The following DENND3 variants were observed in gnomAD, a reference collection of about 807,000 sequenced individuals.
DENND3 encodes DENN domain-containing protein 3.
In DENND3, 88 loss-of-function variants were observed where a neutral mutation model predicts 135.1. That is an observed-to-expected ratio of 0.65 (90% confidence interval 0.55 to 0.78). DENND3 has a LOEUF of 0.78. Ranked by LOEUF, DENND3 falls within the 30% of genes least tolerant of loss-of-function variation. The probability of loss-of-function intolerance (pLI) is 0.00; values close to 1 mark genes in which losing one functional copy is unlikely to be tolerated. For missense variants in DENND3, 1,392 were observed against 1,688.4 expected (o/e 0.82, Z 3.08); for synonymous variants, 693 against 712.3 (o/e 0.97, Z 0.43).
chr8:141,157,538 T>A (rs1170636798), intron 8 of DENND3: 2 of 985,758 alleles, frequency 2.0e-6, no homozygotes, highest in Non-Finnish European at 2.4e-6. Flanking sequence ...ACAGCCGGGC[T>A]GTACTTGCTT....
At chr8:141,159,599 C>T (rs1379573923) in intron 8 of DENND3, among the ~76,000 whole-genome samples, 2 of 152,242 alleles carry the variant, frequency 1.3e-5, no homozygotes, top group Admixed American at 6.5e-5. Context: ...GGAAGTGCCA[C>T]GCAGGCAGGG....
chr8:141,132,732 A>G (rs1816276883), intron 1 of DENND3, among the ~76,000 whole-genome samples: 1 of 152,192 alleles, frequency 6.6e-6, no homozygotes, highest in African/African-American at 2.4e-5. Flanking sequence ...TCATTCTGAG[A>G]AAAAACAGGT....
rs1487441196 is a variant in DENND3 at position 141,176,694 on chromosome 8, A to G, written c.2639A>G (p.Glu880Gly). 1 of 1,614,054 alleles carries G rather than the reference A, an allele frequency of 6.2e-7. No individual in the cohort carries two copies. Among genetic ancestry groups the G allele is most frequent in the Non-Finnish European group, 8.5e-7 (1 of 1,180,024 alleles). Residue 880 changes from glutamate (E) to glycine (G), a missense_variant, in exon 15 of 23, where the codon GAG becomes GGG. Physicochemically the swap from Glu to Gly is moderately conservative, Grantham distance 98. Transcript: ENST00000519811. ...GTCTTCGAAGCCAACCTGAAAACCG[A>G]GTGTGACCTTTGGCACCTGATGGTG... ...KEVFEANLKT[E>G]CDLWHLMVKE... is the part of the protein sequence containing the mutation.
At chr8:141,165,115 G>A (rs1449291423) in intron 10 of DENND3, 71 bp from the exon 11 acceptor site, 2 of 1,183,276 alleles carry the variant, frequency 1.7e-6, no homozygotes, top group South Asian at 2.5e-5. Flanking sequence ...TGCCAGGAAG[G>A]CTCAGGGGCT....
intron 18 of DENND3, among the ~76,000 whole-genome samples, chr8:141,187,434 AG>A (rs1824040900): frequency 6.6e-6 from 1 of 152,112 alleles, no homozygotes; most frequent in South Asian, 2.1e-4. Flanking sequence ...CGTGCTGCTC[AG>A]GCTGGTCTCA....
intron 18 of DENND3, among the ~76,000 whole-genome samples, chr8:141,185,866 C>T (rs1367846478): frequency 4.0e-5 from 6 of 151,882 alleles, no homozygotes; most frequent in African/African-American, 1.2e-4. Flanking sequence ...TAAAAATCGA[C>T]GTCAGTTCTG....
At position 141,144,081 on chromosome 8, in the gene DENND3, A is replaced by G; in HGVS notation, c.624-67A>G. 1 of 1,364,538 alleles carries G rather than the reference A, an allele frequency of 7.3e-7. No individual in the cohort carries two copies. The highest frequency in any genetic ancestry group is 1.3e-5 in the South Asian group (1 of 79,198). The allele number at this position is 1,364,538 out of a possible 1,614,324, so 84.5% of individuals were successfully genotyped here. A position where few individuals can be genotyped will look rare whatever the true frequency, so the allele number is the denominator to read the frequency against. Reference sequence around the variant, plus strand: ...TGGGGAGATTCCAGTGTGATTAGAAACGCTAACGATGACAACTGCGTTCTC... The same window carrying G: ...TGGGGAGATTCCAGTGTGATTAGAAGCGCTAACGATGACAACTGCGTTCTC... On this transcript the variant is annotated intron_variant, in intron 4 of 22. Transcript: ENST00000519811. This position sits in a 1 kb window ranked among gnomAD's most constrained non-coding sequence, Gnocchi z 4.4.
At chr8:141,189,306 G>A (rs1391206054) in intron 19 of DENND3, among the ~76,000 whole-genome samples, 160 bp downstream of exon 19, 1 of 152,262 alleles carries the variant, frequency 6.6e-6, no homozygotes, top group Non-Finnish European at 1.5e-5. Flanking sequence ...TCCTCGGTCT[G>A]CTTCTGCTCA....
In DENND3 at chr8:141,178,155, C is replaced by T. The variant is rs1248835009; in HGVS notation, c.2795C>T (p.Ala932Val). Residue 932 changes from alanine to valine, a missense_variant, in exon 16 of 23, where the codon GCT becomes GTT. Coordinates refer to ENST00000519811, the MANE Select transcript of DENND3 (RefSeq NM_001352890.3). ...CTGCAGTCACCAGGCGCCATCTACGCTGCCTCCAAGTTATCCTACTTTGAT... is the reference window on the plus strand; with the variant it reads ...CTGCAGTCACCAGGCGCCATCTACGTTGCCTCCAAGTTATCCTACTTTGAT... ...GTLQSPGAIY[A>V]ASKLSYFDKM... The T allele has an allele frequency of 6.2e-7, 1 of 1,613,398 alleles. No individual in the cohort carries two copies. The highest frequency in any genetic ancestry group is 8.5e-7 in the Non-Finnish European group (1 of 1,179,302).
chr8:141,180,512 C>T (rs921834839), intron 16 of DENND3, among the ~76,000 whole-genome samples: 20 of 152,080 alleles, frequency 1.3e-4, no homozygotes, highest in African/African-American at 4.8e-4. Context: ...GGTGTGGACA[C>T]AGGTGGGGGA....
At chr8:141,181,824 T>G (rs1823158011) in intron 17 of DENND3, among the ~76,000 whole-genome samples, 2 of 151,868 alleles carry the variant, frequency 1.3e-5, no homozygotes, top group South Asian at 2.1e-4. Context: ...CAGGCTGGAG[T>G]GTAGTTGGTG....
In DENND3 at chr8:141,194,513, A is replaced by G. The variant is rs990890019; in HGVS notation, c.*280A>G. On this transcript the variant is annotated 3_prime_UTR_variant, in exon 23 of 23. Coordinates refer to ENST00000519811, the MANE Select transcript of DENND3 (RefSeq NM_001352890.3). ...TGGTGATAACCTCTGCTGGGAGGTT[A>G]CTTTGTTGCCTAGAAAGTTCTGGAA... 1 of 431,976 alleles carries G rather than the reference A, an allele frequency of 2.3e-6. No homozygotes were observed. The highest frequency in any genetic ancestry group is 4.2e-6 in the Non-Finnish European group (1 of 236,238). The allele number at this position is 431,976 out of a possible 1,614,324, so 26.8% of individuals were successfully genotyped here. A position where few individuals can be genotyped will look rare whatever the true frequency, so the allele number is the denominator to read the frequency against.
intron 17 of DENND3, among the ~76,000 whole-genome samples, chr8:141,183,086 G>A (rs1008049987): frequency 6.6e-6 from 1 of 152,194 alleles, no homozygotes; most frequent in Non-Finnish European, 1.5e-5. Flanking sequence ...ACCTCAACGC[G>A]GTGGTAAAAG....
intron 5 of DENND3, among the ~76,000 whole-genome samples, chr8:141,149,209 C>T (rs1378756634): frequency 4.6e-5 from 7 of 152,170 alleles, no homozygotes; most frequent in East Asian, 3.8e-4. Flanking sequence ...CACACCCGGC[C>T]GAATTTGCCT....
Position 141,194,708 on chromosome 8 carries a change from C to T in DENND3, c.*475C>T, listed in dbSNP as rs577428811. 4 of 160,816 alleles carry T rather than the reference C, an allele frequency of 2.5e-5. No individual in the cohort carries two copies. Among genetic ancestry groups the T allele is most frequent in the African/African-American group, 7.2e-5 (3 of 41,786 alleles). The allele number at this position is 160,816 out of a possible 1,614,324, so 10.0% of individuals were successfully genotyped here. On this transcript the variant is annotated 3_prime_UTR_variant, in exon 23 of 23. Coordinates refer to ENST00000519811, the MANE Select transcript of DENND3 (RefSeq NM_001352890.3). ...GCACATGACAGGGAGCCTGGAGCCC[C>T]GGGGCCTCCAGCGAGGCCTGAGAAG...
At position 141,175,593 on chromosome 8, in the gene DENND3, G is replaced by A. The variant is rs754518362; in HGVS notation, c.2535+134G>A. On this transcript the variant is annotated intron_variant, in intron 14 of 22. Coordinates refer to ENST00000519811, the MANE Select transcript of DENND3 (RefSeq NM_001352890.3). The surrounding 1 kb of genome is among the most constrained non-coding windows in gnomAD (Gnocchi z 5.4). Reference sequence around the variant, plus strand: ...CCTTCTGCAGACCGAATGCCTTCCTGTCCCTCAGTTTGCTCATCTGTAAAG... The same window carrying A: ...CCTTCTGCAGACCGAATGCCTTCCTATCCCTCAGTTTGCTCATCTGTAAAG... The A allele has an allele frequency of 2.0e-5, 28 of 1,380,122 alleles. No individual in the cohort carries two copies. The African/African-American group carries it at 2.6e-4, about 13-fold the overall frequency. The allele number at this position is 1,380,122 out of a possible 1,614,324, so 85.5% of individuals were successfully genotyped here.
Position 141,160,661 on chromosome 8 carries a change from T to G in DENND3, c.1226T>G (p.Leu409Arg), listed in dbSNP as rs1820024650. 6.2e-7 allele frequency: 1 copy of G among 1,610,118 alleles called. No homozygotes were observed. The highest frequency in any genetic ancestry group is 8.5e-7 in the Non-Finnish European group (1 of 1,177,518). The change falls in exon 9 of 23, where the codon CTG becomes CGG. Residue 409 changes from leucine to arginine, a missense_variant. By Grantham distance (102) the Leu-to-Arg change is moderately radical. Coordinates refer to ENST00000519811, the MANE Select transcript of DENND3 (RefSeq NM_001352890.3). ...CAGAGCCTCCAGCTCCACCATGAGC[T>G]GCACGCCGCCCACCTCCTCTCCAGC... ...RVQSLQLHHE[L>R]HAAHLLSSTD...
At chr8:141,162,693 T>C (rs1452358434) in intron 9 of DENND3, among the ~76,000 whole-genome samples, 1 of 152,112 alleles carries the variant, frequency 6.6e-6, no homozygotes, top group African/African-American at 2.4e-5. Context: ...CCCAGCACTT[T>C]GGGAGGCCGA....
At chr8:141,162,462 A>G (rs1405993301) in intron 9 of DENND3, among the ~76,000 whole-genome samples, 1 of 152,222 alleles carries the variant, frequency 6.6e-6, no homozygotes, top group African/African-American at 2.4e-5. Context: ...ATGATTACAT[A>G]TGATAAAACT....
Sources: gnomAD v4.1 joint callset for allele counts (sites outside exome capture counted in the v4.1 genomes callset) on GRCh38, gnomAD v4.1.1 for gene constraint, Gnocchi (gnomAD v3.1) non-coding constraint, MANE v1.5 for transcripts, NCBI Gene and HGNC (gene_info 2026-07-23, HGNC 2026-07-21) for gene names.